Variants in TTC29 observed in about 807,000 individuals in gnomAD.
TTC29 encodes tetratricopeptide repeat domain 29.
TTC29 carries 49 observed loss-of-function variants against 58.1 expected under a neutral mutation model. The ratio of observed to expected loss-of-function variants is 0.84; its 90% CI spans 0.67 to 1.07. The LOEUF (loss-of-function observed/expected upper bound fraction) is 1.07. Ranked by LOEUF, TTC29 falls within the 50% of genes least tolerant of loss-of-function variation. TTC29 has a pLI of 0.00. For missense variants in TTC29, 582 were observed against 555.6 expected, an observed-to-expected ratio of 1.05 and a Z score of -0.48; for synonymous variants, 209 against 196.8, an observed-to-expected ratio of 1.06 and a Z score of -0.52.
chr4:146,817,301 G>A (rs1303661001), intron 10 of TTC29, among the ~76,000 whole-genome samples: 7 of 152,130 alleles, frequency 4.6e-5, no homozygotes, highest in East Asian at 1.9e-4. Context: ...GACAAACAGA[G>A]AGCCAAATCA....
chr4:146,843,840 G>A (rs949338656), intron 8 of TTC29, among the ~76,000 whole-genome samples: 1 of 152,132 alleles, frequency 6.6e-6, no homozygotes, highest in Non-Finnish European at 1.5e-5. Flanking sequence ...ATGAATCATT[G>A]TATTTGATTG....
intron 8 of TTC29, among the ~76,000 whole-genome samples, chr4:146,837,785 C>A (rs1462816982): frequency 5.3e-5 from 8 of 151,742 alleles, no homozygotes; most frequent in African/African-American, 1.9e-4. Context: ...CAGAGATAGG[C>A]AAACAAAGGA....
rs541808206 is a variant in TTC29 at position 146,760,291 on chromosome 4, T to C, written c.1330+43166A>G. On this transcript the variant is annotated intron_variant, in intron 11 of 12. Transcript: ENST00000325106. The stretch of plus-strand genomic sequence containing the variant: ...CACTGCTGAAAGAAATCATAGATGA[T>C]ACAAACAAACGGAAACACATCCCAT... Among the ~76,000 whole-genome samples the C allele has an allele frequency of 3.2e-3, 485 of 151,952 alleles. 5 individuals carry two copies. Among genetic ancestry groups the C allele is most frequent in the African/African-American group, 0.011 (468 of 41,516 alleles).
intron 11 of TTC29, among the ~76,000 whole-genome samples, chr4:146,742,184 CTTCT>C (rs1745202029): frequency 6.6e-6 from 1 of 152,142 alleles, no homozygotes; most frequent in Non-Finnish European, 1.5e-5. Context: ...TCCTCACTTC[CTTCT>C]TTCTTTCTCA....
At chr4:146,863,121 CAAAA>C (rs577730929) in intron 8 of TTC29, among the ~76,000 whole-genome samples, 7 of 76,612 alleles carry the variant, frequency 9.1e-5, no homozygotes, top group Non-Finnish European at 1.1e-4. Context: ...GACTCCGCCT[CAAAA>C]AAAAAAAAAA....
chr4:146,846,121 A>G (rs1423323456), intron 8 of TTC29, among the ~76,000 whole-genome samples: 2 of 151,482 alleles, frequency 1.3e-5, no homozygotes, highest in African/African-American at 4.9e-5. Context: ...TCAATAAGAG[A>G]AAAAAAAATG....
intron 6 of TTC29, among the ~76,000 whole-genome samples, chr4:146,876,381 G>A (rs774228521): frequency 2.0e-5 from 3 of 152,098 alleles, no homozygotes; most frequent in Non-Finnish European, 4.4e-5. Context: ...AAAATTAGTT[G>A]AGTCCCTATA....
At chr4:146,792,312 G>A (rs1266313154) in intron 11 of TTC29, among the ~76,000 whole-genome samples, 1 of 152,086 alleles carries the variant, frequency 6.6e-6, no homozygotes, top group African/African-American at 2.4e-5. Context: ...TGAAAATCAG[G>A]GTCCTTAAGA....
chr4:146,940,000 G>T, intron 2 of TTC29, 99 bp from the exon 3 acceptor site: 1 of 1,180,078 alleles, frequency 8.5e-7, no homozygotes. Flanking sequence ...CATCTTAGTT[G>T]AGAATGCCTA....
intron 9 of TTC29, among the ~76,000 whole-genome samples, chr4:146,822,450 G>GTATA (rs967391699): frequency 7.6e-4 from 115 of 152,304 alleles, no homozygotes; most frequent in African/African-American, 2.7e-3. Context: ...ATTCCATGGT[G>GTATA]TATATGTACC....
chr4:146,727,298 T>C (rs1743866088), intron 11 of TTC29, among the ~76,000 whole-genome samples: 1 of 152,178 alleles, frequency 6.6e-6, no homozygotes, highest in Non-Finnish European at 1.5e-5. Flanking sequence ...CACTTTGACA[T>C]CTGGCACGAG....
intron 8 of TTC29, among the ~76,000 whole-genome samples, chr4:146,853,705 A>G (rs1279974510): frequency 1.3e-5 from 2 of 152,220 alleles, no homozygotes; most frequent in African/African-American, 4.8e-5. Context: ...AAAGATGTAC[A>G]AAATTTAAAC....
intron 11 of TTC29, among the ~76,000 whole-genome samples, chr4:146,785,005 G>A (rs190077529): frequency 3.9e-5 from 6 of 152,254 alleles, no homozygotes; most frequent in Admixed American, 3.3e-4. Context: ...AGGCTATTGA[G>A]TTTGTAAGAT....
chr4:146,795,961 G>A (rs1749807438), intron 11 of TTC29, among the ~76,000 whole-genome samples: 1 of 152,160 alleles, frequency 6.6e-6, no homozygotes, highest in Non-Finnish European at 1.5e-5. Context: ...AAATATAAAT[G>A]GGGTGACAGC....
At chr4:146,933,892 C>G (rs1297534437) in intron 4 of TTC29, 1 of 142,106 alleles carries the variant, frequency 7.0e-6, no homozygotes, top group African/African-American at 2.5e-5. Flanking sequence ...GTTAGCTTAT[C>G]CTGCTTGCTT....
In TTC29 at chr4:146,707,560, A is replaced by G. The variant is rs375226010; in HGVS notation, c.1331-9T>C. On this transcript the variant is annotated splice_polypyrimidine_tract_variant and intron_variant, in intron 11 of 12. Transcript: ENST00000325106. ...GGATCCTCTAAACTCTTCTAAAAAAAAAATACACAAAGTTAATAGATTATC... is the reference window on the plus strand; with the variant it reads ...GGATCCTCTAAACTCTTCTAAAAAAGAAATACACAAAGTTAATAGATTATC... 3.2e-6 allele frequency: 5 copies of G among 1,579,274 alleles called. No individual in the cohort carries two copies. The highest frequency in any genetic ancestry group is 4.3e-6 in the Non-Finnish European group (5 of 1,159,826).
At chr4:146,760,041 G>A (rs771564658) in intron 11 of TTC29, among the ~76,000 whole-genome samples, 8 of 151,896 alleles carry the variant, frequency 5.3e-5, no homozygotes, top group East Asian at 1.9e-4. Context: ...AATACCCTAC[G>A]GACTCCCCCA....
At position 146,804,593 on chromosome 4, in the gene TTC29, C is replaced by G. The variant is rs1364601207; in HGVS notation, c.1102-908G>C. 2.6e-5 allele frequency among the ~76,000 whole-genome samples: 4 copies of G among 152,232 alleles called. No homozygotes were observed. The East Asian group carries it at 5.8e-4, about 22-fold the overall frequency. On this transcript the variant is annotated intron_variant, in intron 10 of 12. Coordinates refer to ENST00000325106, the MANE Select transcript of TTC29 (RefSeq NM_031956.4). ...TGGAGGCTTGAGTAGGCAGTTTTCC[C>G]CTCACAGTGTAAAGAAAGCCTCTGG...
chr4:146,730,596 T>C (rs1561068595), intron 11 of TTC29, among the ~76,000 whole-genome samples: 1 of 152,116 alleles, frequency 6.6e-6, no homozygotes, highest in Non-Finnish European at 1.5e-5. Flanking sequence ...CAGGGGATGT[T>C]GGGAAGAAGC....
Sources: gnomAD v4.1 joint callset for allele counts (sites outside exome capture counted in the v4.1 genomes callset) on GRCh38, gnomAD v4.1.1 for gene constraint, MANE v1.5 for transcripts, NCBI Gene and HGNC (gene_info 2026-07-23, HGNC 2026-07-21) for gene names.